GPLD1: variants seen among roughly 807,000 people sequenced by gnomAD.
GPLD1 encodes the protein glycosylphosphatidylinositol specific phospholipase D1.
GPLD1 carries 84 observed loss-of-function variants against 112.6 expected under a neutral mutation model. That is an observed-to-expected ratio of 0.75 (90% CI 0.63 to 0.89). The LOEUF (loss-of-function observed/expected upper bound fraction) is 0.89, where lower values mean the gene tolerates loss of function less well. GPLD1 is among the 40% of genes least tolerant of loss of function. The pLI, the probability that GPLD1 is intolerant of heterozygous loss-of-function variation, is 0.00. For missense variants in GPLD1, 1,044 were observed against 1,051.5 expected (o/e 0.99, Z 0.10); for synonymous variants, 386 against 403.8 (o/e 0.96, Z 0.53).
At chr6:24,453,010 C>T (rs6918194) in intron 14 of GPLD1, among the ~76,000 whole-genome samples, 2 of 151,964 alleles carry the variant, frequency 1.3e-5, no homozygotes, top group Non-Finnish European at 2.9e-5. Flanking sequence ...ACCCCACCCC[C>T]CCACGCTCCT....
Position 24,479,872 on chromosome 6 carries a change from T to C in GPLD1, c.232+9A>G. The C allele has an allele frequency of 1.3e-6, 2 of 1,551,104 alleles. No homozygotes were observed. The highest frequency in any genetic ancestry group is 2.2e-5 in the South Asian group (2 of 89,858). ...GTGACTTCATTCAGTCTGCAAACTT[T>C]CATCTTACCTCCTTTGCAGATGCTA... On this transcript the variant is annotated intron_variant, in intron 3 of 24. Transcript: ENST00000230036.
intron 5 of GPLD1, among the ~76,000 whole-genome samples, chr6:24,474,174 T>TAC (rs56324939): frequency 0.042 from 6,118 of 145,534 alleles, 195 homozygotes; most frequent in Admixed American, 0.087. Flanking sequence ...CACACCCACA[T>TAC]ACACACACAC....
rs1454183724 is a variant in GPLD1, at chr6:24,426,408, T to G, written c.*2624A>C. ...ACATACGTGCCATATCAGTTGACCT[T>G]TTACAGTAGGAGTATAATTTACATT... On this transcript the variant is annotated 3_prime_UTR_variant, in exon 25 of 25. Coordinates refer to ENST00000230036, the MANE Select transcript of GPLD1 (RefSeq NM_001503.4). Among the ~76,000 whole-genome samples the G allele has an allele frequency of 5.9e-5, 9 of 152,336 alleles. No individual in the cohort carries two copies. In the South Asian group the frequency reaches 1.7e-3, roughly 28 times the overall value.
chr6:24,483,950 T>C (rs7742282), intron 2 of GPLD1, among the ~76,000 whole-genome samples: 88,396 of 151,630 alleles, frequency 0.58, 26,113 homozygotes, highest in Middle Eastern at 0.65. Flanking sequence ...TCACTCTGTC[T>C]CCCAGGCTGG....
At chr6:24,474,078 A>AACTCAGG (rs1366346756) in intron 5 of GPLD1, among the ~76,000 whole-genome samples, 1 of 151,994 alleles carries the variant, frequency 6.6e-6, no homozygotes, top group Non-Finnish European at 1.5e-5. Context: ...GTGAGCCGAG[A>AACTCAGG]TTGCACCACT....
rs775509064 is a variant in GPLD1 at position 24,463,308 on chromosome 6, C to T, written c.822-513G>A. 3.0e-4 allele frequency among the ~76,000 whole-genome samples: 46 copies of T among 152,276 alleles called. No individual in the cohort carries two copies. In the Middle Eastern group the frequency reaches 0.014, roughly 45 times the overall value. On this transcript the variant is annotated intron_variant, in intron 10 of 24. Transcript: ENST00000230036. The stretch of plus-strand genomic sequence containing the variant: ...CTTCCCAATAGAGGCTTTCCCCCAA[C>T]ACTGAACAGAAGCACTGAGGAAGCA...
intron 13 of GPLD1, 28 bp from the exon 14 acceptor site, chr6:24,454,229 G>A: frequency 6.4e-7 from 1 of 1,559,228 alleles, no homozygotes; most frequent in Non-Finnish European, 8.8e-7. Flanking sequence ...ACCCACCATG[G>A]TATGCACTGA....
intron 15 of GPLD1, 66 bp downstream of exon 15, chr6:24,449,723 G>A: frequency 9.6e-7 from 1 of 1,040,758 alleles, no homozygotes; most frequent in African/African-American, 1.6e-5. Flanking sequence ...TCCCAGCGTT[G>A]GCCTCCCTCA....
chr6:24,433,561 C>G (rs1476197215), intron 22 of GPLD1, 172 bp from the exon 23 acceptor site: 2 of 523,620 alleles, frequency 3.8e-6, no homozygotes, highest in Middle Eastern at 5.3e-4. Flanking sequence ...GGCGTGATCT[C>G]AGCTCACTGC....
At chr6:24,478,014 C>T (rs990112707) in intron 3 of GPLD1, among the ~76,000 whole-genome samples, 10 of 152,196 alleles carry the variant, frequency 6.6e-5, no homozygotes, top group Non-Finnish European at 2.9e-5. Flanking sequence ...GCAGAAAAAA[C>T]TGGAAAATGC....
intron 11 of GPLD1, among the ~76,000 whole-genome samples, chr6:24,461,746 C>T (rs1581761580): frequency 6.6e-6 from 1 of 152,178 alleles, no homozygotes; most frequent in African/African-American, 2.4e-5. Context: ...TTGTTTAGTG[C>T]CCAGCTACCT....
At chr6:24,469,790 C>T (rs1458083956) in intron 7 of GPLD1, among the ~76,000 whole-genome samples, 2 of 149,460 alleles carry the variant, frequency 1.3e-5, no homozygotes, top group South Asian at 2.1e-4. Context: ...AAAAAAAAAT[C>T]CTCAGAATAA....
intron 11 of GPLD1, among the ~76,000 whole-genome samples, chr6:24,461,583 G>C (rs957015645): frequency 6.6e-6 from 1 of 151,920 alleles, no homozygotes; most frequent in African/African-American, 2.4e-5. Flanking sequence ...CAAATCCCCA[G>C]AACACCCTGC....
chr6:24,456,750 C>A, intron 12 of GPLD1, 113 bp from the exon 13 acceptor site: 1 of 649,780 alleles, frequency 1.5e-6, no homozygotes, highest in Non-Finnish European at 2.6e-6. Flanking sequence ...TTTAGAAGTG[C>A]TAAACAATAA....
At chr6:24,446,489 C>G (rs1466602087) in intron 18 of GPLD1, among the ~76,000 whole-genome samples, 2 of 152,036 alleles carry the variant, frequency 1.3e-5, no homozygotes, top group African/African-American at 4.8e-5. Context: ...ACCCTCACCC[C>G]CTCCTCCCAA....
At chr6:24,455,565 T>C (rs1763240278) in intron 13 of GPLD1, among the ~76,000 whole-genome samples, 1 of 152,210 alleles carries the variant, frequency 6.6e-6, no homozygotes, top group South Asian at 2.1e-4. Flanking sequence ...GGGGGCTTAG[T>C]TTTGGTTGAA....
chr6:24,439,251 G>A (rs1363205166), intron 20 of GPLD1, among the ~76,000 whole-genome samples: 2 of 152,172 alleles, frequency 1.3e-5, no homozygotes, highest in Non-Finnish European at 2.9e-5. Flanking sequence ...ATGAACACTG[G>A]CCCCAGTGCA....
At chr6:24,440,003 A>C (rs561657798) in intron 20 of GPLD1, among the ~76,000 whole-genome samples, 187 of 152,334 alleles carry the variant, frequency 1.2e-3, no homozygotes, top group Middle Eastern at 0.01. Flanking sequence ...TACACACACA[A>C]GTGTTTTACT....
chr6:24,439,262 T>C (rs995682998), intron 20 of GPLD1, among the ~76,000 whole-genome samples: 8 of 152,214 alleles, frequency 5.3e-5, no homozygotes, highest in Non-Finnish European at 1.2e-4. Flanking sequence ...CCCCAGTGCA[T>C]GTGGGAGAAT....
Sources: allele counts gnomAD v4.1 joint callset (sites outside exome capture counted in the v4.1 genomes callset), GRCh38; gene constraint gnomAD v4.1.1; transcripts MANE v1.5; gene names NCBI Gene and HGNC (gene_info 2026-07-23, HGNC 2026-07-21).